Variants in S100A7A observed in about 807,000 individuals in gnomAD.
S100A7A encodes S100 calcium binding protein A7A.
S100A7A carries 5 observed loss-of-function variants against 4.0 expected under a neutral mutation model. The observed-to-expected ratio is 1.26, with a 90% confidence interval of 0.66 to 2.66. The LOEUF (loss-of-function observed/expected upper bound fraction) is 2.66, where lower values mean the gene tolerates loss of function less well. Ranked by LOEUF, S100A7A falls within the 30% of genes most tolerant of loss-of-function variation. S100A7A has a pLI of 0.01. For synonymous variants in S100A7A, 52 were observed against 46.4 expected, an observed-to-expected ratio of 1.12 and a Z score of -0.49; for missense variants, 159 against 125.1, an observed-to-expected ratio of 1.27 and a Z score of -1.29.
rs772111181 is a variant in S100A7A, at chr1:153,419,157, A to G, written c.154A>G (p.Ile52Val). ...TTTCTCTTCACAGGACAAAAAGGGC[A>G]TACATTACCTCGCCACTGTCTTTGA... ...NFLSACDKKG[I>V]HYLATVFEKK... The change falls in exon 3 of 3, where the codon ATA becomes GTA. Residue 52 changes from isoleucine (I) to valine (V), a missense_variant. Physicochemically the swap from Ile to Val is conservative, Grantham distance 29. Coordinates refer to ENST00000368729, the MANE Select transcript of S100A7A (RefSeq NM_176823.4). 2 of 1,613,946 alleles carry G rather than the reference A, an allele frequency of 1.2e-6. No individual in the cohort carries two copies. Among genetic ancestry groups the G allele is most frequent in the African/African-American group, 2.7e-5 (2 of 74,924 alleles).
At chr1:153,417,982 T>C in intron 1 of S100A7A, 84 bp from the exon 2 acceptor site, 2 of 1,524,962 alleles carry the variant, frequency 1.3e-6, no homozygotes, top group African/African-American at 2.8e-5. Flanking sequence ...GTTTTTACTC[T>C]GTCCTCAGCC....
At chr1:153,418,786 G>A (rs190843890) in intron 2 of S100A7A, among the ~76,000 whole-genome samples, 9 of 152,272 alleles carry the variant, frequency 5.9e-5, no homozygotes, top group African/African-American at 2.2e-4. Flanking sequence ...CAAAGCATGA[G>A]GGCCAATTTT....
Position 153,420,881 on chromosome 1 carries a change from G to T in S100A7A, c.*1572G>T, listed in dbSNP as rs751583940. On this transcript the variant is annotated 3_prime_UTR_variant, in exon 3 of 3. Coordinates refer to ENST00000368729, the MANE Select transcript of S100A7A (RefSeq NM_176823.4). ...CAGAATTGCTCTCTTTCCTCTCTTA[G>T]CTCTGTTGCCCACTTTCCTTGGGCC... 2 of 151,652 alleles carry T rather than the reference G, an allele frequency of 1.3e-5. No homozygotes were observed. The highest frequency in any genetic ancestry group is 2.9e-5 in the Non-Finnish European group (2 of 68,162). The allele number at this position is 151,652 out of a possible 1,614,324, so 9.4% of individuals were successfully genotyped here. A position where few individuals can be genotyped will look rare whatever the true frequency, so the allele number is the denominator to read the frequency against.
In S100A7A at chr1:153,420,503, T is replaced by C. The variant is rs570121052; in HGVS notation, c.*1194T>C. ...AGGAATCAGGCAAACATCTCAAAAA[T>C]TCTCTTTCCATCCTACCAGCAGCAG... On this transcript the variant is annotated 3_prime_UTR_variant, in exon 3 of 3. Coordinates refer to ENST00000368729, the MANE Select transcript of S100A7A (RefSeq NM_176823.4). 6.6e-6 allele frequency: 1 copy of C among 152,450 alleles called. No homozygotes were observed. Among genetic ancestry groups the C allele is most frequent in the South Asian group, 2.1e-4 (1 of 4,822 alleles). 9.4% of individuals were successfully genotyped at this position (152,450 alleles called of 1,614,324 possible).
rs1264615163 is a variant in S100A7A, at chr1:153,420,117, G to A, written c.*808G>A. ...TCTGGCTGGAATAAGGCAGCATCAC[G>A]GAAATTCTGTAAGGACTGACACAGA... On this transcript the variant is annotated 3_prime_UTR_variant, in exon 3 of 3. Transcript: ENST00000368729. 6.6e-6 allele frequency: 1 copy of A among 152,228 alleles called. No individual in the cohort carries two copies. The highest frequency in any genetic ancestry group is 2.4e-5 in the African/African-American group (1 of 41,434). 9.4% of individuals were successfully genotyped at this position (152,228 alleles called of 1,614,324 possible).
chr1:153,419,250 G>A lies in S100A7A; in HGVS notation c.247G>A (p.Ala83Thr), dbSNP rs146240434. The change falls in exon 3 of 3, where the codon GCC (alanine) becomes ACC (threonine). Residue 83 changes from alanine to threonine, a missense_variant. Transcript: ENST00000368729. ...GTTTCTGTCCTTGCTGGGAGACATA[G>A]CCGCAGACTACCACAAGCAGAGCCA... is the stretch of plus-strand genomic sequence containing the variant. ...SEFLSLLGDI[A>T]ADYHKQSHGA... 1.7e-4 allele frequency: 277 copies of A among 1,614,186 alleles called. 1 individual carries two copies. In the East Asian group the frequency reaches 5.8e-3, roughly 34 times the overall value.
At chr1:153,418,807 G>A (rs1419154224) in intron 2 of S100A7A, among the ~76,000 whole-genome samples, 1 of 152,172 alleles carries the variant, frequency 6.6e-6, no homozygotes, top group Non-Finnish European at 1.5e-5. Flanking sequence ...GAGGCCCTGG[G>A]GTAGAACTAA....
intron 2 of S100A7A, 43 bp from the exon 3 acceptor site, chr1:153,419,102 T>C (rs1425426461): frequency 6.2e-7 from 1 of 1,600,814 alleles, no homozygotes; most frequent in Admixed American, 1.7e-5. Flanking sequence ...CAAAACTTGT[T>C]TGTGATTGAA....
At position 153,419,184 on chromosome 1, in the gene S100A7A, A is replaced by T; in HGVS notation, c.181A>T (p.Lys61Ter). 1 of 1,614,146 alleles carries T rather than the reference A, an allele frequency of 6.2e-7. No individual in the cohort carries two copies. The highest frequency in any genetic ancestry group is 8.5e-7 in the Non-Finnish European group (1 of 1,180,006). Residue 61 changes from lysine to a stop codon, truncating the protein, a stop_gained, in exon 3 of 3, where the codon AAA (lysine) becomes TAA (stop). Coordinates refer to ENST00000368729, the MANE Select transcript of S100A7A (RefSeq NM_176823.4). LOFTEE classifies it low-confidence loss of function (END_TRUNC). ...ACATTACCTCGCCACTGTCTTTGAG[A>T]AAAAGGACAAGAATGAGGATAAGAA... ...GIHYLATVFE[K>*]KDKNEDKKID...
chr1:153,417,174 G>A (rs1662741992), intron 1 of S100A7A: 1 of 152,312 alleles, frequency 6.6e-6, no homozygotes, highest in African/African-American at 2.4e-5. Context: ...GTCCTTTTCT[G>A]GTTCTTTGGA....
At chr1:153,417,443 C>T (rs1662753536) in intron 1 of S100A7A, among the ~76,000 whole-genome samples, 2 of 152,124 alleles carry the variant, frequency 1.3e-5, no homozygotes, top group African/African-American at 4.8e-5. Context: ...ATTCTTGTTT[C>T]TCATTCCCAA....
chr1:153,420,340 C>T lies in S100A7A; in HGVS notation c.*1031C>T, dbSNP rs1247963154. 1 of 152,340 alleles carries T rather than the reference C, an allele frequency of 6.6e-6. No homozygotes were observed. Among genetic ancestry groups the T allele is most frequent in the Non-Finnish European group, 1.5e-5 (1 of 68,184 alleles). 9.4% of individuals were successfully genotyped at this position (152,340 alleles called of 1,614,324 possible). ...GCCACAACACAGGGTCAGTGTTCACCTGGTGTCACTTCCAGGCAATGTTCT... is the reference window on the plus strand; with the variant it reads ...GCCACAACACAGGGTCAGTGTTCACTTGGTGTCACTTCCAGGCAATGTTCT... On this transcript the variant is annotated 3_prime_UTR_variant, in exon 3 of 3. Transcript: ENST00000368729.
intron 2 of S100A7A, among the ~76,000 whole-genome samples, chr1:153,418,622 C>T (rs182120115): frequency 1.5e-3 from 230 of 152,200 alleles, no homozygotes; most frequent in African/African-American, 5.1e-3. Context: ...AAATCAATAG[C>T]CCTCTTTGCA....
chr1:153,418,122 A>G lies in S100A7A; in HGVS notation c.40A>G (p.Ile14Val). Residue 14 changes from isoleucine (I) to valine (V), a missense_variant, in exon 2 of 3, where the codon ATC becomes GTC. Physicochemically the swap from Ile to Val is conservative, Grantham distance 29. Transcript: ENST00000368729. Reference sequence around the variant, plus strand: ...AGCTGAGAGGTCCATAATAGGCATGATCGACATGTTTCACAAATACACCGG... The same window carrying G: ...AGCTGAGAGGTCCATAATAGGCATGGTCGACATGTTTCACAAATACACCGG... ...TQAERSIIGMIDMFHKYTGRD... is the reference protein window; with the variant it reads ...TQAERSIIGMVDMFHKYTGRD... 1 of 1,614,200 alleles carries G rather than the reference A, an allele frequency of 6.2e-7. No homozygotes were observed. The highest frequency in any genetic ancestry group is 8.5e-7 in the Non-Finnish European group (1 of 1,180,028).
At chr1:153,416,850 G>T (rs1280847436) in intron 1 of S100A7A, among the ~76,000 whole-genome samples, 1 of 152,226 alleles carries the variant, frequency 6.6e-6, no homozygotes, top group Non-Finnish European at 1.5e-5. Context: ...TTTCCTTCCT[G>T]TCTTCTTCCT....
rs1339513243 is a variant in S100A7A at position 153,422,493 on chromosome 1, T to C, written c.*3184T>C. 1 of 983,738 alleles carries C rather than the reference T, an allele frequency of 1.0e-6. No individual in the cohort carries two copies. The highest frequency in any genetic ancestry group is 1.7e-5 in the African/African-American group (1 of 57,206). The allele number at this position is 983,738 out of a possible 1,614,324, so 60.9% of individuals were successfully genotyped here. On this transcript the variant is annotated 3_prime_UTR_variant, in exon 3 of 3. Transcript: ENST00000368729. ...TATTGGTACTAAAGAGAAAGAATAC[T>C]TGACAGCTCTATGCCCACACTCACA...
At position 153,419,160 on chromosome 1, in the gene S100A7A, C is replaced by A. The variant is rs748104620; in HGVS notation, c.157C>A (p.His53Asn). The change falls in exon 3 of 3, where the codon CAT becomes AAT. Residue 53 changes from histidine (H) to asparagine (N), a missense_variant. Coordinates refer to ENST00000368729, the MANE Select transcript of S100A7A (RefSeq NM_176823.4). ...CTCTTCACAGGACAAAAAGGGCATA[C>A]ATTACCTCGCCACTGTCTTTGAGAA... ...FLSACDKKGI[H>N]YLATVFEKKD... is the part of the protein sequence containing the mutation. 226 of 1,614,048 alleles carry A rather than the reference C, an allele frequency of 1.4e-4. No individual in the cohort carries two copies. Among genetic ancestry groups the A allele is most frequent in the Non-Finnish European group, 1.7e-4 (195 of 1,179,962 alleles).
chr1:153,417,429 G>C (rs1299716248), intron 1 of S100A7A, among the ~76,000 whole-genome samples: 2 of 152,126 alleles, frequency 1.3e-5, no homozygotes, highest in Non-Finnish European at 2.9e-5. Flanking sequence ...TTGTAACAGA[G>C]GCAATTCTTG....
Position 153,423,045 on chromosome 1 carries a change from A to G in S100A7A, c.*3736A>G, listed in dbSNP as rs1405789922. 6.6e-6 allele frequency: 1 copy of G among 152,088 alleles called. No individual in the cohort carries two copies. Among genetic ancestry groups the G allele is most frequent in the South Asian group, 2.1e-4 (1 of 4,816 alleles). The allele number at this position is 152,088 out of a possible 1,614,324, so 9.4% of individuals were successfully genotyped here. On this transcript the variant is annotated 3_prime_UTR_variant, in exon 3 of 3. Coordinates refer to ENST00000368729, the MANE Select transcript of S100A7A (RefSeq NM_176823.4). ...TTTTTTTAACTAAGTGTGAGATAAT[A>G]TCTTATTGTTTTTGTAACTTGCATT...
Sources: gnomAD v4.1 joint callset for allele counts (sites outside exome capture counted in the v4.1 genomes callset) on GRCh38, gnomAD v4.1.1 for gene constraint, MANE v1.5 for transcripts, NCBI Gene and HGNC (gene_info 2026-07-23, HGNC 2026-07-21) for gene names.